Variants in RYR2 observed in about 807,000 individuals in gnomAD.
RYR2 encodes the protein cardiac muscle ryanodine receptor-calcium release channel.
Under a neutral mutation model 601.1 loss-of-function variants are expected in RYR2, and 227 were observed. The ratio of observed to expected loss-of-function variants is 0.38; its 90% confidence interval spans 0.34 to 0.42. RYR2 has a LOEUF of 0.42. Ranked by LOEUF, RYR2 falls within the 10% of genes least tolerant of loss-of-function variation. The pLI is 1.00. For synonymous variants in RYR2, 2,223 were observed against 2,175.1 expected (o/e 1.02, Z -0.61); for missense variants, 4,646 against 6,156.5 (o/e 0.75, Z 8.21).
At chr1:237,313,339 G>T (rs1174866514) in intron 2 of RYR2, among the ~76,000 whole-genome samples, 1 of 152,138 alleles carries the variant, frequency 6.6e-6, no homozygotes, top group African/African-American at 2.4e-5. Context: ...GGATTTTGGG[G>T]AGATTTTCCT....
chr1:237,815,745 T>C (rs1661749408), intron 100 of RYR2, among the ~76,000 whole-genome samples: 1 of 152,176 alleles, frequency 6.6e-6, no homozygotes, highest in African/African-American at 2.4e-5. Context: ...TCTTCAACAT[T>C]ACATGTCTAG....
chr1:237,769,376 A>G (rs1694091324), intron 84 of RYR2, among the ~76,000 whole-genome samples: 1 of 152,188 alleles, frequency 6.6e-6, no homozygotes. Flanking sequence ...TGGACTTATC[A>G]GCCAATTATG....
At chr1:237,566,285 C>T (rs41476050) in intron 27 of RYR2, among the ~76,000 whole-genome samples, 3,444 of 152,210 alleles carry the variant, frequency 0.023, 66 homozygotes, top group East Asian at 0.09. Flanking sequence ...ACAGAAAGGT[C>T]GTTCCCTCCT....
chr1:237,588,941 GC>G (rs1195085745), intron 29 of RYR2, among the ~76,000 whole-genome samples: 1 of 151,576 alleles, frequency 6.6e-6, no homozygotes, highest in Non-Finnish European at 1.5e-5. Flanking sequence ...TCATTGTCTT[GC>G]CAATCAATTC....
chr1:237,423,987 G>A (rs1203045821), intron 12 of RYR2, among the ~76,000 whole-genome samples: 2 of 152,082 alleles, frequency 1.3e-5, no homozygotes, highest in Admixed American at 1.3e-4. Flanking sequence ...GAGAGAGAGA[G>A]CAGGAGAGTG....
chr1:237,297,079 T>A (rs186423303), intron 2 of RYR2, among the ~76,000 whole-genome samples: 1 of 152,220 alleles, frequency 6.6e-6, no homozygotes, highest in Admixed American at 6.5e-5. Flanking sequence ...TGAATGTATC[T>A]GGAAAAAATC....
rs1459294008 is a variant in RYR2 at position 237,655,818 on chromosome 1, C to T, written c.7966-3C>T. 1.3e-6 allele frequency: 2 copies of T among 1,574,766 alleles called. No individual in the cohort carries two copies. The highest frequency in any genetic ancestry group is 2.3e-5 in the East Asian group (1 of 44,000). On this transcript the variant is annotated splice_polypyrimidine_tract_variant and splice_region_variant and intron_variant, in intron 52 of 104. Coordinates refer to ENST00000366574, the MANE Select transcript of RYR2 (RefSeq NM_001035.3). ...TTTTTTTTTGGTCCTCCATTTTTCC[C>T]AGAAATATGAACAAGAACTTTTCAA...
intron 29 of RYR2, among the ~76,000 whole-genome samples, chr1:237,570,347 T>C (rs980440911): frequency 6.6e-6 from 1 of 151,902 alleles, no homozygotes; most frequent in Non-Finnish European, 1.5e-5. Flanking sequence ...AATTTTTTTT[T>C]TTTTTTTTGA....
Position 237,206,086 on chromosome 1 carries a change from A to C in RYR2, c.49-64411A>C, listed in dbSNP as rs1168311452. Among the ~76,000 whole-genome samples the C allele has an allele frequency of 2.6e-5, 4 of 152,316 alleles. No homozygotes were observed. In the East Asian group the frequency reaches 5.8e-4, roughly 22 times the overall value. On this transcript the variant is annotated intron_variant, in intron 1 of 104. Transcript: ENST00000366574. ...GCTCCGGGAAGAATATGACTTCAAG[A>C]GGCAGAAGCCGGCTCACTGGGAGGC...
At position 237,358,845 on chromosome 1, in the gene RYR2, G is replaced by A. The variant is rs111790179; in HGVS notation, c.294+2860G>A. On this transcript the variant is annotated intron_variant, in intron 4 of 104. Coordinates refer to ENST00000366574, the MANE Select transcript of RYR2 (RefSeq NM_001035.3). ...CTACCCTTGCTAGGCTTGAAGTGAG[G>A]GCAAGCTTGGGAGGCAGGCAGGATT... 4.3e-3 allele frequency among the ~76,000 whole-genome samples: 654 copies of A among 152,102 alleles called. 3 individuals are homozygous for A. Among genetic ancestry groups the A allele is most frequent in the African/African-American group, 0.015 (636 of 41,510 alleles).
intron 24 of RYR2, among the ~76,000 whole-genome samples, chr1:237,524,649 G>A (rs2779350): frequency 0.5 from 75,271 of 151,338 alleles, 18,863 homozygotes; most frequent in East Asian, 0.58. Flanking sequence ...CTCACTTAAT[G>A]TCTTAATCAG....
rs1666136009 is a variant in RYR2, at chr1:237,513,668, C to T, written c.2822+1877C>T. Among the ~76,000 whole-genome samples, 3 of 152,196 alleles carry T rather than the reference C, an allele frequency of 2.0e-5. No homozygotes were observed. In the South Asian group the frequency reaches 6.2e-4, roughly 32 times the overall value. ...CTATATTTAGATACCCAAATACTTA[C>T]CATTGTGTTACAGTTGTCTACAGTA... On this transcript the variant is annotated intron_variant, in intron 24 of 104. Coordinates refer to ENST00000366574, the MANE Select transcript of RYR2 (RefSeq NM_001035.3).
chr1:237,667,870 T>C lies in RYR2; in HGVS notation c.8515-13T>C. Reference sequence around the variant, plus strand: ...TTACTTATTGAAACGATAAATATTTTTGTTCATTTAAGGCTATGGCAGAAA... The same window carrying C: ...TTACTTATTGAAACGATAAATATTTCTGTTCATTTAAGGCTATGGCAGAAA... On this transcript the variant is annotated splice_polypyrimidine_tract_variant and intron_variant, in intron 57 of 104. Transcript: ENST00000366574. 1 of 1,550,514 alleles carries C rather than the reference T, an allele frequency of 6.4e-7. No homozygotes were observed. Among genetic ancestry groups the C allele is most frequent in the Admixed American group, 1.9e-5 (1 of 51,844 alleles).
intron 80 of RYR2, among the ~76,000 whole-genome samples, chr1:237,755,896 G>C (rs2149260651): frequency 6.6e-6 from 1 of 152,294 alleles, no homozygotes; most frequent in African/African-American, 2.4e-5. Flanking sequence ...TTGCTGAGCA[G>C]TATCAAGTTA....
intron 3 of RYR2, among the ~76,000 whole-genome samples, chr1:237,347,210 C>T (rs1369632361): frequency 6.6e-6 from 1 of 152,048 alleles, no homozygotes; most frequent in Admixed American, 6.6e-5. Context: ...GTAGTCCCAG[C>T]TACTCAGGAG....
chr1:237,142,669 A>G (rs920164969), intron 1 of RYR2, among the ~76,000 whole-genome samples: 1 of 152,272 alleles, frequency 6.6e-6, no homozygotes, highest in Non-Finnish European at 1.5e-5. Context: ...GAGATTTCCC[A>G]TGTCATAGAC....
At chr1:237,628,298 C>A (rs1354562927) in intron 41 of RYR2, among the ~76,000 whole-genome samples, 1 of 151,646 alleles carries the variant, frequency 6.6e-6, no homozygotes, top group South Asian at 2.1e-4. Flanking sequence ...TATACATGTG[C>A]CATGCTGGTG....
chr1:237,579,406 G>A lies in RYR2; in HGVS notation c.3598+10087G>A, dbSNP rs1056883334. ...AGAGTAGCTGGGATTACAGGCATGC[G>A]CCACCATGCCCGGCTAATTTTGTAT... On this transcript the variant is annotated intron_variant, in intron 29 of 104. Coordinates refer to ENST00000366574, the MANE Select transcript of RYR2 (RefSeq NM_001035.3). Among the ~76,000 whole-genome samples the A allele has an allele frequency of 4.6e-5, 7 of 151,750 alleles. No individual in the cohort carries two copies. The East Asian group carries it at 5.9e-4, about 13-fold the overall frequency.
At chr1:237,156,745 G>C (rs1164344561) in intron 1 of RYR2, among the ~76,000 whole-genome samples, 1 of 152,192 alleles carries the variant, frequency 6.6e-6, no homozygotes, top group African/African-American at 2.4e-5. Context: ...GAGTCACAGA[G>C]ATCAAGGGTT....
Sources: allele counts gnomAD v4.1 joint callset (sites outside exome capture counted in the v4.1 genomes callset), GRCh38; gene constraint gnomAD v4.1.1; transcripts MANE v1.5; gene names NCBI Gene and HGNC (gene_info 2026-07-23, HGNC 2026-07-21).